PLPP3: variants seen among roughly 807,000 people sequenced by gnomAD.
PLPP3 encodes phospholipid phosphatase 3, also known as PAP2 beta.
In PLPP3, 6 loss-of-function variants were observed where a neutral mutation model predicts 29.6. The observed-to-expected ratio is 0.20, with a 90% CI of 0.11 to 0.40. The LOEUF is 0.40. PLPP3 is among the 10% of genes least tolerant of loss of function. The pLI, the probability that PLPP3 is intolerant of heterozygous loss-of-function variation, is 1.00. For missense variants in PLPP3, 308 were observed against 407.7 expected, an observed-to-expected ratio of 0.76 and a Z score of 2.11; for synonymous variants, 152 against 159.7, an observed-to-expected ratio of 0.95 and a Z score of 0.36.
intron 2 of PLPP3, among the ~76,000 whole-genome samples, chr1:56,528,022 C>T (rs1333157667): frequency 6.6e-6 from 1 of 152,144 alleles, no homozygotes; most frequent in Admixed American, 6.5e-5. Flanking sequence ...CTAGAGCCCT[C>T]ATTTCTGCCT....
intron 2 of PLPP3, among the ~76,000 whole-genome samples, chr1:56,531,080 C>T (rs1407778121): frequency 4.6e-5 from 7 of 152,102 alleles, no homozygotes; most frequent in African/African-American, 1.7e-4. Context: ...ATGACAGTAT[C>T]AAAAGCAGGG....
chr1:56,500,815 G>T (rs922237615), intron 5 of PLPP3, among the ~76,000 whole-genome samples: 12 of 152,032 alleles, frequency 7.9e-5, no homozygotes, highest in Middle Eastern at 6.8e-3. Flanking sequence ...GACCAGCCTG[G>T]CCAACATGGT....
intron 1 of PLPP3, among the ~76,000 whole-genome samples, chr1:56,575,601 A>G (rs1056955619): frequency 6.6e-6 from 1 of 152,232 alleles, no homozygotes; most frequent in African/African-American, 2.4e-5. Flanking sequence ...GAATTTTCTG[A>G]TAAGAACCTG....
At chr1:56,572,043 G>T (rs1184745708) in intron 1 of PLPP3, among the ~76,000 whole-genome samples, 21 of 85,066 alleles carry the variant, frequency 2.5e-4, no homozygotes, top group East Asian at 4.1e-4. Flanking sequence ...ATCATTTCTG[G>T]TTTTTTTTTT....
intron 5 of PLPP3, among the ~76,000 whole-genome samples, chr1:56,503,077 G>T (rs758194962): frequency 1.4e-4 from 22 of 152,014 alleles, no homozygotes; most frequent in Non-Finnish European, 2.9e-4. Flanking sequence ...GCCATCTTTG[G>T]CAGCCGTTTT....
At chr1:56,506,240 A>G (rs755714807) in intron 5 of PLPP3, among the ~76,000 whole-genome samples, 2 of 152,158 alleles carry the variant, frequency 1.3e-5, no homozygotes, top group Non-Finnish European at 2.9e-5. Context: ...GGAATCAAGA[A>G]ACTGGGGATT....
intron 4 of PLPP3, chr1:56,512,795 T>A (rs1645752403): frequency 6.6e-6 from 1 of 152,134 alleles, no homozygotes; most frequent in Non-Finnish European, 1.5e-5. Flanking sequence ...AAATGATAGT[T>A]TCCTTTTATC....
At position 56,579,206 on chromosome 1, in the gene PLPP3, G is replaced by T; in HGVS notation, c.-190C>A. The T allele has an allele frequency of 1.6e-6, 1 of 633,316 alleles. No homozygotes were observed. The highest frequency in any genetic ancestry group is 2.5e-6 in the Non-Finnish European group (1 of 392,848). The allele number at this position is 633,316 out of a possible 1,614,324, so 39.2% of individuals were successfully genotyped here. A position where few individuals can be genotyped will look rare whatever the true frequency, so the allele number is the denominator to read the frequency against. On this transcript the variant is annotated 5_prime_UTR_variant, in exon 1 of 6. Transcript: ENST00000371250. ...CCAACTGCAGAAGGTGGTGTTTTCT[G>T]CTCCTCCTGCGCGCCTCTGCTTTCC... is the stretch of plus-strand genomic sequence containing the variant.
intron 1 of PLPP3, among the ~76,000 whole-genome samples, chr1:56,557,539 T>C (rs972718143): frequency 3.3e-5 from 5 of 152,190 alleles, no homozygotes; most frequent in Non-Finnish European, 5.9e-5. Context: ...CAGTAGGCAG[T>C]TGATACACGT....
chr1:56,502,949 G>T (rs1363493045), intron 5 of PLPP3, among the ~76,000 whole-genome samples: 1 of 152,066 alleles, frequency 6.6e-6, no homozygotes, highest in Non-Finnish European at 1.5e-5. Flanking sequence ...TAGCTTTCTG[G>T]TCTACCATAC....
chr1:56,556,787 G>A (rs962262880), intron 1 of PLPP3, among the ~76,000 whole-genome samples: 1 of 150,706 alleles, frequency 6.6e-6, no homozygotes, highest in African/African-American at 2.4e-5. Context: ...GCAGGCAGGT[G>A]CAGTAGCTCA....
chr1:56,517,179 T>C (rs1645786765), intron 4 of PLPP3, among the ~76,000 whole-genome samples: 1 of 152,194 alleles, frequency 6.6e-6, no homozygotes, highest in Non-Finnish European at 1.5e-5. Flanking sequence ...TGTCCTTCCT[T>C]AGGTCCCTGC....
chr1:56,521,689 A>G (rs979752157), intron 4 of PLPP3, among the ~76,000 whole-genome samples: 9 of 144,562 alleles, frequency 6.2e-5, no homozygotes, highest in Non-Finnish European at 1.2e-4. Context: ...GGTATAAGCC[A>G]CCATCCAGCC....
chr1:56,545,987 G>A (rs544936728), intron 1 of PLPP3, among the ~76,000 whole-genome samples: 14 of 152,326 alleles, frequency 9.2e-5, no homozygotes, highest in East Asian at 5.8e-4. Context: ...TACATGGCCC[G>A]CGATCTAGCT....
At chr1:56,562,896 C>T (rs563325065) in intron 1 of PLPP3, among the ~76,000 whole-genome samples, 2 of 152,298 alleles carry the variant, frequency 1.3e-5, no homozygotes, top group South Asian at 4.1e-4. Flanking sequence ...GTATTTATCT[C>T]CACAAATACT....
intron 2 of PLPP3, among the ~76,000 whole-genome samples, chr1:56,534,299 A>G (rs943605072): frequency 1.3e-5 from 2 of 152,188 alleles, no homozygotes; most frequent in African/African-American, 4.8e-5. Context: ...TACATCTGAA[A>G]AAGAGGTCAA....
At position 56,547,134 on chromosome 1, in the gene PLPP3, T is replaced by C. The variant is rs544385703; in HGVS notation, c.140-10022A>G. 1.5e-4 allele frequency among the ~76,000 whole-genome samples: 23 copies of C among 152,332 alleles called. 1 individual carries two copies. The highest frequency in any genetic ancestry group is 6.2e-4 in the South Asian group (3 of 4,824). On this transcript the variant is annotated intron_variant, in intron 1 of 5. Coordinates refer to ENST00000371250, the MANE Select transcript of PLPP3 (RefSeq NM_003713.5). Reference sequence around the variant, plus strand: ...CTTAATGTCATTTGTTTTCATTTAATAGATGGGAAGGTTGAGGGCCCCCTC... The same window carrying C: ...CTTAATGTCATTTGTTTTCATTTAACAGATGGGAAGGTTGAGGGCCCCCTC...
intron 1 of PLPP3, among the ~76,000 whole-genome samples, chr1:56,557,873 T>C (rs1485853665): frequency 1.3e-5 from 2 of 152,172 alleles, no homozygotes; most frequent in African/African-American, 4.8e-5. Flanking sequence ...CGGGGCGCTT[T>C]TCCAACCCCA....
intron 1 of PLPP3, among the ~76,000 whole-genome samples, chr1:56,544,371 T>C (rs902824391): frequency 1.3e-5 from 2 of 152,180 alleles, no homozygotes; most frequent in Admixed American, 6.6e-5. Context: ...AGGTGTTTTA[T>C]TTCTAGTGAA....
Sources: allele counts gnomAD v4.1 joint callset (sites outside exome capture counted in the v4.1 genomes callset), GRCh38; gene constraint gnomAD v4.1.1; transcripts MANE v1.5; gene names NCBI Gene and HGNC (gene_info 2026-07-23, HGNC 2026-07-21).